Variants in LDLRAD4 observed in about 807,000 individuals in gnomAD.
LDLRAD4 encodes the protein low density lipoprotein receptor class A domain containing 4.
LDLRAD4 carries 5 observed loss-of-function variants against 17.0 expected under a neutral mutation model. The observed-to-expected ratio is 0.29, with a 90% CI of 0.15 to 0.62. The LOEUF is 0.62. Ranked by LOEUF, LDLRAD4 falls within the 20% of genes least tolerant of loss-of-function variation. The pLI is 0.84. For missense variants in LDLRAD4, 340 were observed against 424.7 expected (o/e 0.80, Z 1.75); for synonymous variants, 168 against 171.8 (o/e 0.98, Z 0.17).
At chr18:13,271,671 G>C (rs552269602) in intron 1 of LDLRAD4, among the ~76,000 whole-genome samples, 1 of 152,192 alleles carries the variant, frequency 6.6e-6, no homozygotes, top group Non-Finnish European at 1.5e-5. Flanking sequence ...CTGTCTTCCT[G>C]TAGATGGCTC....
At chr18:13,560,350 G>T (rs1341699957) in intron 3 of LDLRAD4, among the ~76,000 whole-genome samples, 2 of 152,222 alleles carry the variant, frequency 1.3e-5, no homozygotes, top group Non-Finnish European at 2.9e-5. Context: ...GTGTTTGGAA[G>T]CTGTAGGTAA....
chr18:13,476,495 G>A (rs1453325313), intron 3 of LDLRAD4, among the ~76,000 whole-genome samples: 1 of 151,954 alleles, frequency 6.6e-6, no homozygotes, highest in Non-Finnish European at 1.5e-5. Context: ...ATGGTGGTGT[G>A]CACCTGTAGT....
At chr18:13,347,853 G>A (rs1187719608) in intron 1 of LDLRAD4, among the ~76,000 whole-genome samples, 1 of 152,072 alleles carries the variant, frequency 6.6e-6, no homozygotes, top group Non-Finnish European at 1.5e-5. Flanking sequence ...CTTTCTTCCA[G>A]TTGATCGAAT....
intron 1 of LDLRAD4, among the ~76,000 whole-genome samples, chr18:13,384,217 T>C (rs2145159452): frequency 6.6e-6 from 1 of 152,344 alleles, no homozygotes; most frequent in African/African-American, 2.4e-5. Flanking sequence ...TTGATCCACA[T>C]TGGCCTCAGT....
At chr18:13,330,503 A>G (rs553908122) in intron 1 of LDLRAD4, among the ~76,000 whole-genome samples, 14 of 152,152 alleles carry the variant, frequency 9.2e-5, no homozygotes, top group African/African-American at 3.1e-4. Flanking sequence ...AAACTTTATT[A>G]ATCTTATTGG....
intron 1 of LDLRAD4, among the ~76,000 whole-genome samples, chr18:13,306,385 G>A (rs1420954997): frequency 6.6e-6 from 1 of 152,216 alleles, no homozygotes; most frequent in Non-Finnish European, 1.5e-5. Flanking sequence ...CAGGAAGTAC[G>A]TTGCCAGTAA....
chr18:13,342,900 T>C (rs1192538275), intron 1 of LDLRAD4, among the ~76,000 whole-genome samples: 1 of 152,118 alleles, frequency 6.6e-6, no homozygotes, highest in Non-Finnish European at 1.5e-5. Flanking sequence ...TAGTTGTTTC[T>C]GTTTTTCTTA....
rs552689173 is a variant in LDLRAD4 at position 13,369,459 on chromosome 18, GGGGCACTGT to G, written c.-382-17877_-382-17869del. Among the ~76,000 whole-genome samples, 15 of 152,282 alleles carry G rather than the reference GGGGCACTGT, an allele frequency of 9.9e-5. No individual in the cohort carries two copies. In the East Asian group the frequency reaches 2.3e-3, roughly 24 times the overall value. On this transcript the variant is annotated intron_variant, in intron 1 of 5. Coordinates refer to ENST00000359446, the Ensembl canonical transcript of LDLRAD4. ...GGTCTTGGTGAGAAAGTTGCTGGCAGGGGCACTGTGGGCGTCTGCTGGTGTACTCAGGAT... is the reference window on the plus strand; with the variant it reads ...GGTCTTGGTGAGAAAGTTGCTGGCAGGGGCGTCTGCTGGTGTACTCAGGAT...
chr18:13,318,795 G>A (rs531858597), intron 1 of LDLRAD4, among the ~76,000 whole-genome samples: 2 of 152,294 alleles, frequency 1.3e-5, no homozygotes, highest in Admixed American at 1.3e-4. Flanking sequence ...CAGGACCCTG[G>A]GTGATGGAGC....
chr18:13,364,064 T>C (rs190985216), intron 1 of LDLRAD4, among the ~76,000 whole-genome samples: 2 of 152,324 alleles, frequency 1.3e-5, no homozygotes. Context: ...AAAGAATAAA[T>C]ATAATTAGCA....
chr18:13,477,128 G>A (rs774197873), intron 3 of LDLRAD4, among the ~76,000 whole-genome samples: 1 of 142,706 alleles, frequency 7.0e-6, no homozygotes, highest in Non-Finnish European at 1.5e-5. Context: ...AATGAAACAA[G>A]GAATACCAGG....
chr18:13,468,806 G>C (rs61190494), intron 3 of LDLRAD4, among the ~76,000 whole-genome samples: 12,491 of 137,188 alleles, frequency 0.091, 645 homozygotes, highest in East Asian at 0.14. Context: ...ATAATGAGAA[G>C]ACATGGACAC....
intron 1 of LDLRAD4, among the ~76,000 whole-genome samples, chr18:13,331,220 A>G (rs1375563781): frequency 6.6e-6 from 1 of 152,182 alleles, no homozygotes; most frequent in Non-Finnish European, 1.5e-5. Flanking sequence ...AACCTGTGTG[A>G]TCTGATGCTG....
intron 1 of LDLRAD4, among the ~76,000 whole-genome samples, chr18:13,340,290 T>C (rs552915530): frequency 6.6e-6 from 1 of 152,168 alleles, no homozygotes; most frequent in Admixed American, 6.5e-5. Context: ...GCTCCAGAAG[T>C]GGACTTGCTG....
chr18:13,610,277 T>C (rs934605686), intron 3 of LDLRAD4, among the ~76,000 whole-genome samples: 1 of 36,752 alleles, frequency 2.7e-5, no homozygotes, highest in African/African-American at 1.4e-4. Flanking sequence ...TTTTTTTTTT[T>C]TTTTTTTTTT....
intron 2 of LDLRAD4, among the ~76,000 whole-genome samples, chr18:13,416,681 A>C (rs750176667): frequency 6.6e-6 from 1 of 152,236 alleles, no homozygotes; most frequent in Non-Finnish European, 1.5e-5. Flanking sequence ...TTATTCAACA[A>C]AATTTTCTTT....
At chr18:13,628,905 A>G (rs7232400) in intron 4 of LDLRAD4, among the ~76,000 whole-genome samples, 67,815 of 151,926 alleles carry the variant, frequency 0.45, 17,121 homozygotes, top group Middle Eastern at 0.59. Flanking sequence ...ATCATAACTC[A>G]CTGCAGCCTC....
chr18:13,233,109 G>T (rs2042163395), intron 1 of LDLRAD4, among the ~76,000 whole-genome samples: 1 of 152,240 alleles, frequency 6.6e-6, no homozygotes, highest in Non-Finnish European at 1.5e-5. Context: ...GTTAGGGATG[G>T]AGCTTGCCAC....
At chr18:13,540,792 A>G (rs540431549) in intron 3 of LDLRAD4, among the ~76,000 whole-genome samples, 34 of 152,350 alleles carry the variant, frequency 2.2e-4, no homozygotes, top group African/African-American at 7.7e-4. Context: ...CCAGAGAATC[A>G]GTGTCTGCTG....
Sources: gnomAD v4.1 joint callset for allele counts (sites outside exome capture counted in the v4.1 genomes callset) on GRCh38, gnomAD v4.1.1 for gene constraint, MANE v1.5 for transcripts, NCBI Gene and HGNC (gene_info 2026-07-23, HGNC 2026-07-21) for gene names.